IKZF3: variants seen among roughly 807,000 people sequenced by gnomAD.
IKZF3 encodes IKAROS family zinc finger 3, also known as zinc finger protein Aiolos.
Under a neutral mutation model 49.0 loss-of-function variants are expected in IKZF3, and 10 were observed. The ratio of observed to expected loss-of-function variants is 0.20; its 90% CI spans 0.13 to 0.35. The LOEUF is 0.35. Among genes scored for constraint, IKZF3 ranks in the 10% least tolerant of loss-of-function variants. The probability of loss-of-function intolerance (pLI) is 1.00; values close to 1 mark genes in which losing one functional copy is unlikely to be tolerated. For synonymous variants in IKZF3, 209 were observed against 228.2 expected (o/e 0.92, Z 0.76); for missense variants, 498 against 664.8 (o/e 0.75, Z 2.76).
At chr17:39,778,133 A>G in intron 6 of IKZF3, 1 of 999,216 alleles carries the variant, frequency 1.0e-6, no homozygotes, top group African/African-American at 1.7e-5. Context: ...TGCGTGTGAC[A>G]CCTGCAGACT....
chr17:39,809,701 C>T (rs1043310710), intron 3 of IKZF3, among the ~76,000 whole-genome samples: 3 of 152,122 alleles, frequency 2.0e-5, no homozygotes, highest in Admixed American at 6.5e-5. Context: ...TTCCATTCAG[C>T]ATTTTTCTAT....
At chr17:39,832,684 T>C (rs2062147440) in intron 1 of IKZF3, among the ~76,000 whole-genome samples, 1 of 151,994 alleles carries the variant, frequency 6.6e-6, no homozygotes, top group South Asian at 2.1e-4. Context: ...AACACGTTGA[T>C]CTCATGGAGG....
Position 39,766,306 on chromosome 17 carries a change from G to T in IKZF3, c.1014C>A (p.Ile338=). 6.2e-7 allele frequency: 1 copy of T among 1,614,186 alleles called. No individual in the cohort carries two copies. Among genetic ancestry groups the T allele is most frequent in the Non-Finnish European group, 8.5e-7 (1 of 1,180,028 alleles). The change falls in exon 8 of 8, where the codon ATC becomes ATA. Residue 338 remains isoleucine (I), a synonymous_variant. Coordinates refer to ENST00000346872, the MANE Select transcript of IKZF3 (RefSeq NM_012481.5). ...TGAGGGCTATGGGATACATGCTGCT[G>T]ATAACTGGAACCATCTCCGAGGTGG... ...PAPTSEMVPV[I]SSMYPIALTR... is the part of the protein sequence containing the mutation.
chr17:39,817,447 A>T (rs148441291), intron 3 of IKZF3, among the ~76,000 whole-genome samples: 1 of 152,286 alleles, frequency 6.6e-6, no homozygotes, highest in Non-Finnish European at 1.5e-5. Context: ...CTTTTTTTAT[A>T]GATGGAGTCT....
intron 3 of IKZF3, among the ~76,000 whole-genome samples, chr17:39,828,135 G>T (rs546001240): frequency 2.0e-5 from 3 of 152,338 alleles, no homozygotes; most frequent in Non-Finnish European, 4.4e-5. Flanking sequence ...GCCAGAAACA[G>T]AGATGATTTC....
intron 3 of IKZF3, among the ~76,000 whole-genome samples, chr17:39,801,419 A>G (rs1313048039): frequency 6.6e-6 from 1 of 152,164 alleles, no homozygotes; most frequent in African/African-American, 2.4e-5. Flanking sequence ...TTGTGAAAGC[A>G]TCTAAATAGT....
chr17:39,851,051 C>T (rs1357659575), intron 1 of IKZF3, among the ~76,000 whole-genome samples: 1 of 145,096 alleles, frequency 6.9e-6, no homozygotes, highest in Non-Finnish European at 1.5e-5. Flanking sequence ...ATTATATATA[C>T]TATGTGTATA....
chr17:39,810,469 A>G (rs2061524515), intron 3 of IKZF3, among the ~76,000 whole-genome samples: 1 of 152,176 alleles, frequency 6.6e-6, no homozygotes, highest in South Asian at 2.1e-4. Flanking sequence ...TGAATTTAAA[A>G]ATACATAAGT....
chr17:39,783,777 A>C (rs2143795266), intron 6 of IKZF3, among the ~76,000 whole-genome samples: 1 of 152,262 alleles, frequency 6.6e-6, no homozygotes, highest in South Asian at 2.1e-4. Context: ...AAAAACACAA[A>C]AATTAGCTGG....
chr17:39,850,934 T>C (rs1392986374), intron 1 of IKZF3, among the ~76,000 whole-genome samples: 3 of 134,530 alleles, frequency 2.2e-5, no homozygotes, highest in Non-Finnish European at 4.6e-5. Context: ...ATATTATATA[T>C]ACGTGTATAT....
At chr17:39,839,649 T>C (rs752207121) in intron 1 of IKZF3, 3 of 340,280 alleles carry the variant, frequency 8.8e-6, no homozygotes, top group Admixed American at 4.6e-5. Flanking sequence ...AGTGGTATGA[T>C]TTGAGCCCTC....
At position 39,823,741 on chromosome 17, in the gene IKZF3, G is replaced by A. The variant is rs145919431; in HGVS notation, c.163+5646C>T. On this transcript the variant is annotated intron_variant, in intron 3 of 7. Coordinates refer to ENST00000346872, the MANE Select transcript of IKZF3 (RefSeq NM_012481.5). ...AGAGTACAAGCCCCAAGCCTTGGCA[G>A]CTTCCATGTGATGTTGAGCCTATGG... Among the ~76,000 whole-genome samples, 1,299 of 152,322 alleles carry A rather than the reference G, an allele frequency of 8.5e-3. 17 individuals are homozygous for A. Among genetic ancestry groups the A allele is most frequent in the African/African-American group, 0.03 (1,241 of 41,564 alleles).
At chr17:39,845,874 G>C (rs2062615910) in intron 1 of IKZF3, among the ~76,000 whole-genome samples, 1 of 152,132 alleles carries the variant, frequency 6.6e-6, no homozygotes, top group African/African-American at 2.4e-5. Flanking sequence ...AAAAATTAAT[G>C]CGACTTTTCA....
chr17:39,785,518 A>G (rs2060852855), intron 6 of IKZF3, among the ~76,000 whole-genome samples: 1 of 152,190 alleles, frequency 6.6e-6, no homozygotes, highest in African/African-American at 2.4e-5. Flanking sequence ...CTAAAATATT[A>G]CTTTTGATAC....
At chr17:39,830,313 G>A (rs1294561176) in intron 2 of IKZF3, among the ~76,000 whole-genome samples, 1 of 152,120 alleles carries the variant, frequency 6.6e-6, no homozygotes, top group East Asian at 1.9e-4. Flanking sequence ...TTATTTGTTT[G>A]AACATTTACT....
intron 1 of IKZF3, among the ~76,000 whole-genome samples, chr17:39,850,044 A>C (rs1043745173): frequency 1.1e-4 from 15 of 133,852 alleles, no homozygotes; most frequent in East Asian, 4.1e-4. Flanking sequence ...TATATATATA[A>C]TATATAGTAT....
At chr17:39,803,692 T>C (rs1322564220) in intron 3 of IKZF3, among the ~76,000 whole-genome samples, 1 of 152,136 alleles carries the variant, frequency 6.6e-6, no homozygotes, top group East Asian at 1.9e-4. Flanking sequence ...TTTGCATTTT[T>C]AGTAGAGGCA....
intron 1 of IKZF3, among the ~76,000 whole-genome samples, chr17:39,832,832 A>C (rs1220517270): frequency 1.3e-5 from 2 of 152,150 alleles, no homozygotes; most frequent in Non-Finnish European, 1.5e-5. Flanking sequence ...TATAGTTAAC[A>C]ACGACGTATT....
chr17:39,805,136 C>T (rs1038216612), intron 3 of IKZF3, among the ~76,000 whole-genome samples: 2 of 152,142 alleles, frequency 1.3e-5, no homozygotes, highest in African/African-American at 2.4e-5. Flanking sequence ...TTGATGTCAA[C>T]GTCTGTATAT....
Sources: allele counts gnomAD v4.1 joint callset (sites outside exome capture counted in the v4.1 genomes callset), GRCh38; gene constraint gnomAD v4.1.1; transcripts MANE v1.5; gene names NCBI Gene and HGNC (gene_info 2026-07-23, HGNC 2026-07-21).